Variants in TRAPPC9 observed in about 807,000 individuals in gnomAD.
TRAPPC9 encodes IKK2 binding protein.
In TRAPPC9, 83 loss-of-function variants were observed where a neutral mutation model predicts 124.0. That is an observed-to-expected ratio of 0.67 (90% confidence interval 0.56 to 0.80). TRAPPC9 has a LOEUF of 0.80. TRAPPC9 is among the 30% of genes least tolerant of loss of function. The probability of loss-of-function intolerance (pLI) is 0.00; values close to 1 mark genes in which losing one functional copy is unlikely to be tolerated. For synonymous variants in TRAPPC9, 638 were observed against 617.5 expected (o/e 1.03, Z -0.49); for missense variants, 1,302 against 1,508.3 (o/e 0.86, Z 2.27).
intron 20 of TRAPPC9, among the ~76,000 whole-genome samples, chr8:139,906,881 A>G (rs1269992273): frequency 6.6e-6 from 1 of 152,184 alleles, no homozygotes; most frequent in Non-Finnish European, 1.5e-5. Flanking sequence ...CAAAGACATC[A>G]ATGTGGCCAT....
intron 18 of TRAPPC9, among the ~76,000 whole-genome samples, chr8:140,007,176 A>T (rs1407236935): frequency 2.6e-5 from 4 of 152,168 alleles, no homozygotes; most frequent in African/African-American, 9.7e-5. Context: ...ACTTTGTTAC[A>T]CTGTCTAATT....
At chr8:140,326,243 G>T (rs376371246) in intron 9 of TRAPPC9, among the ~76,000 whole-genome samples, 200 of 149,980 alleles carry the variant, frequency 1.3e-3, no homozygotes, top group African/African-American at 4.6e-3. Flanking sequence ...AAAAAAAGAA[G>T]AAGAAGTTGG....
At chr8:139,785,455 T>C (rs1022821158) in intron 21 of TRAPPC9, among the ~76,000 whole-genome samples, 25 of 152,072 alleles carry the variant, frequency 1.6e-4, no homozygotes, top group Non-Finnish European at 2.5e-4. Context: ...CCCAGCACTT[T>C]GGGTGGCTGA....
intron 17 of TRAPPC9, among the ~76,000 whole-genome samples, chr8:140,184,121 C>G (rs939470782): frequency 6.6e-6 from 1 of 152,036 alleles, no homozygotes; most frequent in Non-Finnish European, 1.5e-5. Context: ...CCACAGCTGA[C>G]AAGAAAGCAG....
At position 140,320,083 on chromosome 8, in the gene TRAPPC9, G is replaced by A. The variant is rs571409412; in HGVS notation, c.1496-8709C>T. 2.4e-3 allele frequency among the ~76,000 whole-genome samples: 363 copies of A among 152,228 alleles called. 1 individual carries two copies. Among genetic ancestry groups the A allele is most frequent in the Non-Finnish European group, 4.3e-3 (291 of 68,022 alleles). ...TAAGGAAGAAGGAAAAAGAAAACAC[G>A]GAGGAAAAAGTACAGGTGTGATTTG... On this transcript the variant is annotated intron_variant, in intron 9 of 22. Transcript: ENST00000438773.
chr8:140,211,573 T>C (rs551458118), intron 17 of TRAPPC9, among the ~76,000 whole-genome samples: 2 of 152,274 alleles, frequency 1.3e-5, no homozygotes, highest in South Asian at 4.1e-4. Context: ...GAAAAAAATA[T>C]AAAAGTATAT....
chr8:140,148,580 T>C (rs565819149), intron 17 of TRAPPC9, among the ~76,000 whole-genome samples: 1 of 152,314 alleles, frequency 6.6e-6, no homozygotes, highest in Admixed American at 6.5e-5. Flanking sequence ...TTTGGCTACA[T>C]GCCAACATCC....
intron 17 of TRAPPC9, among the ~76,000 whole-genome samples, chr8:140,135,426 T>C (rs913795176): frequency 2.0e-5 from 3 of 152,218 alleles, no homozygotes; most frequent in East Asian, 1.9e-4. Context: ...AAATGTGCTA[T>C]ATATACACAA....
chr8:140,329,358 T>C (rs1427443761), intron 9 of TRAPPC9, among the ~76,000 whole-genome samples: 1 of 152,130 alleles, frequency 6.6e-6, no homozygotes, highest in Non-Finnish European at 1.5e-5. Context: ...AAAACTTTCA[T>C]CCATGCAGGA....
intron 17 of TRAPPC9, among the ~76,000 whole-genome samples, chr8:140,111,709 G>A (rs1306554396): frequency 6.6e-6 from 1 of 152,222 alleles, no homozygotes; most frequent in Non-Finnish European, 1.5e-5. Context: ...TCAAAATGGA[G>A]GTAAAGCAGA....
At chr8:140,351,124 C>T (rs977905712) in intron 9 of TRAPPC9, among the ~76,000 whole-genome samples, 1 of 149,296 alleles carries the variant, frequency 6.7e-6, no homozygotes, top group Non-Finnish European at 1.5e-5. Flanking sequence ...CCGGAACAAC[C>T]GCGTGGGTAG....
intron 19 of TRAPPC9, among the ~76,000 whole-genome samples, chr8:139,957,596 C>A (rs1027740632): frequency 2.0e-5 from 3 of 152,308 alleles, no homozygotes; most frequent in East Asian, 3.9e-4. Flanking sequence ...CAGAGCTGTG[C>A]TCTCTCCACC....
intron 19 of TRAPPC9, among the ~76,000 whole-genome samples, chr8:139,964,959 G>A (rs999792442): frequency 3.3e-5 from 5 of 152,186 alleles, no homozygotes; most frequent in Non-Finnish European, 7.3e-5. Context: ...CCTAACTGGG[G>A]CTGTTGCTCT....
At chr8:139,993,000 T>G (rs1433236001) in intron 18 of TRAPPC9, among the ~76,000 whole-genome samples, 1 of 152,152 alleles carries the variant, frequency 6.6e-6, no homozygotes, top group Non-Finnish European at 1.5e-5. Context: ...AAAGAAAGAC[T>G]TCTCAAATGA....
At chr8:140,167,157 A>C (rs2061854662) in intron 17 of TRAPPC9, among the ~76,000 whole-genome samples, 1 of 152,212 alleles carries the variant, frequency 6.6e-6, no homozygotes, top group Non-Finnish European at 1.5e-5. Flanking sequence ...AAAAAAAAAA[A>C]AACTTGTTAA....
chr8:140,050,867 A>AG (rs1841952019), intron 17 of TRAPPC9, among the ~76,000 whole-genome samples: 1 of 152,134 alleles, frequency 6.6e-6, no homozygotes, highest in South Asian at 2.1e-4. Flanking sequence ...AGCCCTGCAC[A>AG]GGGGGAAGGG....
chr8:140,174,752 C>T lies in TRAPPC9; in HGVS notation c.2556+46707G>A, dbSNP rs985126101. On this transcript the variant is annotated intron_variant, in intron 17 of 22. Transcript: ENST00000438773. ...TCAAAGCATGGATCAGTACGTCACT[C>T]CTTTTCTGGGCTGAAATAATAATTC... 2.6e-5 allele frequency among the ~76,000 whole-genome samples: 4 copies of T among 152,216 alleles called. No individual in the cohort carries two copies. The South Asian group carries it at 6.2e-4, about 24-fold the overall frequency.
intron 21 of TRAPPC9, among the ~76,000 whole-genome samples, chr8:139,849,863 C>T (rs1032809970): frequency 6.6e-6 from 1 of 152,174 alleles, no homozygotes; most frequent in Admixed American, 6.5e-5. Flanking sequence ...TACCTCACTT[C>T]GCCCTGGCTC....
intron 17 of TRAPPC9, among the ~76,000 whole-genome samples, chr8:140,031,751 A>G (rs1840508568): frequency 6.6e-6 from 1 of 152,240 alleles, no homozygotes; most frequent in African/African-American, 2.4e-5. Context: ...CCAAGTAACT[A>G]CAAATTAAGT....
Sources: allele counts gnomAD v4.1 joint callset (sites outside exome capture counted in the v4.1 genomes callset), GRCh38; gene constraint gnomAD v4.1.1; transcripts MANE v1.5; gene names NCBI Gene and HGNC (gene_info 2026-07-23, HGNC 2026-07-21).